Variants in MARCHF1 observed in about 807,000 individuals in gnomAD.
MARCHF1 encodes membrane associated ring-CH-type finger 1.
A neutral mutation model predicts 54.2 loss-of-function variants in MARCHF1; 40 were observed. That is an observed-to-expected ratio of 0.74 (90% confidence interval 0.57 to 0.96). MARCHF1 has a LOEUF of 0.96. Among genes scored for constraint, MARCHF1 ranks in the 40% least tolerant of loss-of-function variants. MARCHF1 has a pLI of 0.00. For missense variants in MARCHF1, 586 were observed against 656.5 expected (o/e 0.89, Z 1.17); for synonymous variants, 236 against 236.3 (o/e 1.00, Z 0.01).
At chr4:163,548,837 G>C (rs753437675) in intron 8 of MARCHF1, among the ~76,000 whole-genome samples, 52 of 152,176 alleles carry the variant, frequency 3.4e-4, no homozygotes, top group Admixed American at 1.2e-3. Flanking sequence ...AAATGGAGAG[G>C]ATAAGGATAG....
intron 3 of MARCHF1, among the ~76,000 whole-genome samples, chr4:163,863,971 G>A (rs1749996053): frequency 6.6e-6 from 1 of 151,930 alleles, no homozygotes; most frequent in African/African-American, 2.4e-5. Flanking sequence ...AGTAGTAACA[G>A]ATTATGACCC....
At chr4:163,565,385 A>G (rs575686870) in intron 8 of MARCHF1, among the ~76,000 whole-genome samples, 48 of 152,306 alleles carry the variant, frequency 3.2e-4, no homozygotes, top group African/African-American at 1.1e-3. Context: ...CAACAGTGGA[A>G]ATGGTTTTCT....
chr4:163,824,015 G>T (rs1301576962), intron 4 of MARCHF1, among the ~76,000 whole-genome samples: 1 of 151,816 alleles, frequency 6.6e-6, no homozygotes, highest in African/African-American at 2.4e-5. Flanking sequence ...AGATGGGGGT[G>T]TAATATCACA....
At chr4:164,127,082 G>A (rs1029106311) in intron 1 of MARCHF1, among the ~76,000 whole-genome samples, 1 of 113,454 alleles carries the variant, frequency 8.8e-6, no homozygotes, top group African/African-American at 3.3e-5. Flanking sequence ...ACAAAACAAA[G>A]AGGAATATGT....
At chr4:164,015,142 T>C (rs932773941) in intron 2 of MARCHF1, among the ~76,000 whole-genome samples, 1 of 152,108 alleles carries the variant, frequency 6.6e-6, no homozygotes, top group African/African-American at 2.4e-5. Context: ...AATACAGCTA[T>C]AAATCTATCC....
chr4:164,360,037 A>G (rs1400785064), intron 1 of MARCHF1, among the ~76,000 whole-genome samples: 1 of 152,076 alleles, frequency 6.6e-6, no homozygotes, highest in Non-Finnish European at 1.5e-5. Flanking sequence ...CCGCGCAATC[A>G]GTATGCGGGC....
At chr4:164,021,895 T>C (rs1331948213) in intron 2 of MARCHF1, among the ~76,000 whole-genome samples, 1 of 151,244 alleles carries the variant, frequency 6.6e-6, no homozygotes, top group Non-Finnish European at 1.5e-5. Flanking sequence ...GGTCCATTTT[T>C]AGTTAGCTTT....
At chr4:164,144,364 A>G (rs1381257949) in intron 1 of MARCHF1, among the ~76,000 whole-genome samples, 6 of 151,614 alleles carry the variant, frequency 4.0e-5, no homozygotes, top group Non-Finnish European at 8.8e-5. Context: ...TCAACAGAAT[A>G]TATATTTTTT....
At chr4:164,267,447 G>A (rs182040285) in intron 1 of MARCHF1, among the ~76,000 whole-genome samples, 121 of 152,134 alleles carry the variant, frequency 8.0e-4, no homozygotes, top group South Asian at 4.1e-3. Context: ...GCCAACTGGC[G>A]TGCTGTCAGT....
chr4:164,094,633 A>G (rs1356824591), intron 2 of MARCHF1, among the ~76,000 whole-genome samples: 1 of 152,180 alleles, frequency 6.6e-6, no homozygotes, highest in African/African-American at 2.4e-5. Context: ...GTAATATAAA[A>G]ACCTGACAAA....
At chr4:163,941,462 ATTAG>A (rs1403524039) in intron 3 of MARCHF1, among the ~76,000 whole-genome samples, 3 of 152,170 alleles carry the variant, frequency 2.0e-5, no homozygotes, top group Non-Finnish European at 4.4e-5. Context: ...TCAGATTAGA[ATTAG>A]TTAGGTAGGT....
chr4:163,603,304 G>A (rs1741032940), intron 7 of MARCHF1, among the ~76,000 whole-genome samples: 1 of 142,972 alleles, frequency 7.0e-6, no homozygotes, highest in South Asian at 2.3e-4. Context: ...ACGAAACTGG[G>A]AAAACAGAAA....
chr4:164,244,890 C>G (rs1007191047), intron 1 of MARCHF1, among the ~76,000 whole-genome samples: 6 of 151,788 alleles, frequency 4.0e-5, no homozygotes, highest in Non-Finnish European at 8.9e-5. Flanking sequence ...CACATACACT[C>G]TCCCAAGACT....
chr4:164,207,434 A>G (rs1205586454), intron 1 of MARCHF1, among the ~76,000 whole-genome samples: 1 of 152,276 alleles, frequency 6.6e-6, no homozygotes, highest in Admixed American at 6.5e-5. Context: ...TATTAAACCA[A>G]TCACCACAAC....
At chr4:164,069,133 T>G (rs1354923526) in intron 2 of MARCHF1, among the ~76,000 whole-genome samples, 1 of 152,196 alleles carries the variant, frequency 6.6e-6, no homozygotes, top group Non-Finnish European at 1.5e-5. Context: ...ACACTCTGTA[T>G]CTAGCTAATC....
chr4:164,347,371 C>T (rs1045126839), intron 1 of MARCHF1, among the ~76,000 whole-genome samples: 1 of 152,104 alleles, frequency 6.6e-6, no homozygotes, highest in Non-Finnish European at 1.5e-5. Context: ...CAGGTAAATT[C>T]TTTTCTTTGC....
intron 1 of MARCHF1, among the ~76,000 whole-genome samples, chr4:164,145,696 TA>T (rs963887574): frequency 6.6e-6 from 1 of 150,830 alleles, no homozygotes; most frequent in Non-Finnish European, 1.5e-5. Flanking sequence ...CTATCTATGA[TA>T]AACCCACAGC....
At chr4:163,657,791 A>C (rs1743203161) in intron 5 of MARCHF1, among the ~76,000 whole-genome samples, 1 of 152,128 alleles carries the variant, frequency 6.6e-6, no homozygotes, top group African/African-American at 2.4e-5. Context: ...AACAAACCTT[A>C]CAAAAACAAG....
chr4:163,716,450 C>T (rs1009698095), intron 4 of MARCHF1, among the ~76,000 whole-genome samples: 9 of 152,268 alleles, frequency 5.9e-5, no homozygotes, highest in African/African-American at 1.7e-4. Flanking sequence ...TTAAGTTAAA[C>T]TTAGGCATCC....
Sources: allele counts gnomAD v4.1 joint callset (sites outside exome capture counted in the v4.1 genomes callset), GRCh38; gene constraint gnomAD v4.1.1; transcripts MANE v1.5; gene names NCBI Gene and HGNC (gene_info 2026-07-23, HGNC 2026-07-21).